NAV2: variants seen among roughly 807,000 people sequenced by gnomAD.
NAV2 encodes neuron navigator 2.
NAV2 carries 54 observed loss-of-function variants against 223.2 expected under a neutral mutation model. The ratio of observed to expected loss-of-function variants is 0.24; its 90% CI spans 0.19 to 0.30. The LOEUF is 0.30. Among genes scored for constraint, NAV2 ranks in the 10% least tolerant of loss-of-function variants. The pLI, the probability that NAV2 is intolerant of heterozygous loss-of-function variation, is 1.00. For missense variants in NAV2, 2,806 were observed against 3,147.5 expected (o/e 0.89, Z 2.60); for synonymous variants, 1,279 against 1,239.3 (o/e 1.03, Z -0.67).
rs534085700 is a variant in NAV2 at position 19,761,939 on chromosome 11, A to AATG, written c.267+47979_267+47980insGAT. On this transcript the variant is annotated intron_variant, in intron 1 of 37. Transcript: ENST00000349880. ...TGCCCATTCTTCACACTGTAGTCAG[A>AATG]ATCTTGTAAAACCTCAAATCTGGCT... Among the ~76,000 whole-genome samples, 684 of 152,282 alleles carry AATG rather than the reference A, an allele frequency of 4.5e-3. 4 individuals are homozygous for AATG. Among genetic ancestry groups the AATG allele is most frequent in the African/African-American group, 0.016 (652 of 41,562 alleles).
In NAV2 at chr11:19,933,948, A is replaced by G. The variant is rs774718453; in HGVS notation, c.1704A>G (p.Gly568=). The change falls in exon 7 of 38, where the codon GGA becomes GGG. Residue 568 remains glycine (G), a synonymous_variant. Transcript: ENST00000349880. This position sits in a 1 kb window ranked among gnomAD's most constrained non-coding sequence, Gnocchi z 4.3. ...APSHSGIPKP[G]MKSMPGKSPS... ...CCCACAGTGGAATACCAAAACCAGGAATGAAAAGCATGCCCGGGAAATCCC... is the reference window on the plus strand; with the variant it reads ...CCCACAGTGGAATACCAAAACCAGGGATGAAAAGCATGCCCGGGAAATCCC... 6 of 1,596,964 alleles carry G rather than the reference A, an allele frequency of 3.8e-6. No homozygotes were observed. The highest frequency in any genetic ancestry group is 5.1e-6 in the Non-Finnish European group (6 of 1,173,498).
At chr11:19,733,528 G>A (rs144015912) in intron 1 of NAV2, among the ~76,000 whole-genome samples, 4 of 152,226 alleles carry the variant, frequency 2.6e-5, no homozygotes, top group East Asian at 1.9e-4. Flanking sequence ...TTCACTTACC[G>A]CACAACGGGT....
chr11:19,595,512 A>G (rs1565084816), intron 1 of NAV2, among the ~76,000 whole-genome samples: 1 of 152,172 alleles, frequency 6.6e-6, no homozygotes, highest in Admixed American at 6.5e-5. Flanking sequence ...TTACAACTTG[A>G]TCAAGGTTCT....
intron 36 of NAV2, among the ~76,000 whole-genome samples, chr11:20,112,776 C>T (rs952689499): frequency 6.6e-6 from 1 of 152,194 alleles, no homozygotes; most frequent in African/African-American, 2.4e-5. Flanking sequence ...TCAGCGGGCT[C>T]TGCTCTTCAG....
chr11:19,435,685 C>A (rs913197593), intron 1 of NAV2, among the ~76,000 whole-genome samples: 3 of 152,160 alleles, frequency 2.0e-5, no homozygotes, highest in African/African-American at 7.2e-5. Flanking sequence ...ATTTACAGTA[C>A]CACCAACAGT....
At chr11:19,460,253 G>C (rs1453781335) in intron 1 of NAV2, among the ~76,000 whole-genome samples, 2 of 152,206 alleles carry the variant, frequency 1.3e-5, no homozygotes, top group Non-Finnish European at 2.9e-5. Flanking sequence ...AGTAGCTGCT[G>C]ACTTAGAAAG....
chr11:20,071,949 C>T (rs2059432220), intron 22 of NAV2, among the ~76,000 whole-genome samples: 1 of 152,064 alleles, frequency 6.6e-6, no homozygotes, highest in Non-Finnish European at 1.5e-5. Flanking sequence ...TTAATTAGAT[C>T]CCTTTTGTCT....
intron 1 of NAV2, among the ~76,000 whole-genome samples, chr11:19,359,216 G>T (rs568849829): frequency 3.3e-4 from 51 of 152,354 alleles, no homozygotes; most frequent in Middle Eastern, 6.8e-3. Flanking sequence ...GAGAAATAGT[G>T]TCTGGTAGCA....
At chr11:19,912,346 T>C (rs1297445907) in intron 6 of NAV2, among the ~76,000 whole-genome samples, 1 of 152,236 alleles carries the variant, frequency 6.6e-6, no homozygotes, top group Non-Finnish European at 1.5e-5. Flanking sequence ...CACCCACAGC[T>C]TTGAGCAAAT....
At chr11:19,971,455 C>A (rs566608239) in intron 10 of NAV2, among the ~76,000 whole-genome samples, 1 of 152,098 alleles carries the variant, frequency 6.6e-6, no homozygotes, top group South Asian at 2.1e-4. Context: ...CTTTTTACAC[C>A]CCAAAGAGAG....
chr11:19,993,917 G>A (rs1293758225), intron 11 of NAV2, among the ~76,000 whole-genome samples: 1 of 152,180 alleles, frequency 6.6e-6, no homozygotes, highest in East Asian at 1.9e-4. Flanking sequence ...GGGATCCAAG[G>A]ATGAGTGGGA....
Position 19,941,062 on chromosome 11 carries a change from G to A in NAV2, c.2146+1289G>A, listed in dbSNP as rs148402159. On this transcript the variant is annotated intron_variant, in intron 8 of 37. Coordinates refer to ENST00000349880, the MANE Select transcript of NAV2 (RefSeq NM_145117.5). ...CCAGCATGGTTCAGATGTGTGGCCC[G>A]TGGAGCAGTGTGGATTCCTGTCAGA... Among the ~76,000 whole-genome samples, 1,346 of 152,294 alleles carry A rather than the reference G, an allele frequency of 8.8e-3. 25 individuals carry two copies. Among genetic ancestry groups the A allele is most frequent in the African/African-American group, 0.031 (1,268 of 41,552 alleles).
At chr11:19,927,729 A>G (rs924985369) in intron 6 of NAV2, among the ~76,000 whole-genome samples, 2 of 152,122 alleles carry the variant, frequency 1.3e-5, no homozygotes, top group African/African-American at 4.8e-5. Context: ...AAACCTGTTT[A>G]AGGGCTCTGC....
chr11:19,916,322 C>T (rs545963060), intron 6 of NAV2, among the ~76,000 whole-genome samples: 2 of 152,128 alleles, frequency 1.3e-5, no homozygotes, highest in African/African-American at 4.8e-5. Context: ...CAGCCCAAAG[C>T]ATCACAGGGT....
intron 12 of NAV2, 199 bp from the exon 13 acceptor site, chr11:20,043,782 T>C (rs1400258495): frequency 1.8e-6 from 1 of 565,908 alleles, no homozygotes. Flanking sequence ...TGATATTATT[T>C]ACTTTTTTAT....
rs1380884484 is a variant in NAV2 at position 19,352,622 on chromosome 11, G to A, written c.75+1595G>A. Among the ~76,000 whole-genome samples the A allele has an allele frequency of 2.6e-5, 4 of 152,306 alleles. No homozygotes were observed. In the East Asian group the frequency reaches 7.7e-4, roughly 29 times the overall value. On this transcript the variant is annotated intron_variant, in intron 1 of 37. Coordinates refer to the NAV2 transcript ENST00000360655. ...TTTAACTTGAACTCTAGCCGTCATG[G>A]CGATTATTAAATTTATAATGATATA... is the stretch of plus-strand genomic sequence containing the variant.
At chr11:19,420,118 A>G (rs1463791562) in intron 1 of NAV2, among the ~76,000 whole-genome samples, 1 of 152,150 alleles carries the variant, frequency 6.6e-6, no homozygotes, top group Admixed American at 6.6e-5. Flanking sequence ...TTCCCATGTC[A>G]CTGTCTTTAG....
chr11:19,814,932 G>T, intron 1 of NAV2, among the ~76,000 whole-genome samples: 1 of 152,134 alleles, frequency 6.6e-6, no homozygotes. Context: ...AGCATTATTA[G>T]GTGGCTTGGC....
chr11:19,460,734 A>G (rs1324662663), intron 1 of NAV2, among the ~76,000 whole-genome samples: 2 of 152,040 alleles, frequency 1.3e-5, no homozygotes, highest in African/African-American at 2.4e-5. Context: ...ACATGTATAC[A>G]TATGTAACAA....
Sources: allele counts gnomAD v4.1 joint callset (sites outside exome capture counted in the v4.1 genomes callset), GRCh38; gene constraint gnomAD v4.1.1; non-coding constraint Gnocchi (gnomAD v3.1); transcripts MANE v1.5; gene names NCBI Gene and HGNC (gene_info 2026-07-23, HGNC 2026-07-21).